Variants in NKIRAS1 observed in about 807,000 individuals in gnomAD.
NKIRAS1 encodes NF-kappa-B inhibitor-interacting Ras-like protein 1.
Under a neutral mutation model 19.8 loss-of-function variants are expected in NKIRAS1, and 16 were observed. That is an observed-to-expected ratio of 0.81 (90% CI 0.55 to 1.23). The LOEUF is 1.23. Among genes scored for constraint, NKIRAS1 ranks in the 50% most tolerant of loss-of-function variants. NKIRAS1 has a pLI of 0.00. For missense variants in NKIRAS1, 184 were observed against 220.0 expected (o/e 0.84, Z 1.04); for synonymous variants, 88 against 79.0 (o/e 1.11, Z -0.61).
chr3:23,901,874 A>G lies in NKIRAS1; in HGVS notation c.95-825T>C, dbSNP rs1354652291. On this transcript the variant is annotated intron_variant, in intron 3 of 4. Coordinates refer to ENST00000425478, the MANE Select transcript of NKIRAS1 (RefSeq NM_020345.4). ...GATCACCTGAGGTCAGGAGTTCAAG[A>G]ACAGCCTGGCCAACATGGCCAAACC... Among the ~76,000 whole-genome samples the G allele has an allele frequency of 2.6e-5, 4 of 152,318 alleles. No homozygotes were observed. The East Asian group carries it at 5.8e-4, about 22-fold the overall frequency.
At position 23,890,963 on chromosome 3, in the gene NKIRAS1, T is replaced by A; in HGVS notation, c.*2132A>T. On this transcript the variant is annotated 3_prime_UTR_variant, in exon 5 of 5. Coordinates refer to ENST00000425478, the MANE Select transcript of NKIRAS1 (RefSeq NM_020345.4). ...CATTTATGTAAAGTCCCTCTAAGAC[T>A]ACATACTTTTTGTTTAAAACAAAAT... 6.2e-6 allele frequency: 1 copy of A among 161,470 alleles called. No homozygotes were observed. 10.0% of individuals were successfully genotyped at this position (161,470 alleles called of 1,614,324 possible).
intron 1 of NKIRAS1, among the ~76,000 whole-genome samples, chr3:23,945,938 G>A (rs1705674723): frequency 6.6e-6 from 1 of 151,096 alleles, no homozygotes; most frequent in South Asian, 2.1e-4. Flanking sequence ...TACATAATGG[G>A]CGCTGAGGCG....
At chr3:23,921,570 G>GTTTTTTTTT (rs71622703), upstream of NKIRAS1, 19 of 508,926 alleles carry the variant, frequency 3.7e-5, no homozygotes, top group Non-Finnish European at 4.2e-5. Context: ...TGATTATTGA[G>GTTTTTTTTT]TTTTTTTTTT....
chr3:23,900,614 C>G (rs1702427245), intron 4 of NKIRAS1, among the ~76,000 whole-genome samples, 194 bp downstream of exon 4: 1 of 146,348 alleles, frequency 6.8e-6, no homozygotes, highest in Non-Finnish European at 1.5e-5. Context: ...TCAACTCTTG[C>G]CTGGGAGACA....
rs896241084 is a variant in NKIRAS1 at position 23,909,070 on chromosome 3, T to A, written c.94+1741A>T. Reference sequence around the variant, plus strand: ...AACAGAAGTTGTTTGGGGTCCTCAGTAAGTTTTCACAGGGCAAAAGGATTC... The same window carrying A: ...AACAGAAGTTGTTTGGGGTCCTCAGAAAGTTTTCACAGGGCAAAAGGATTC... On this transcript the variant is annotated intron_variant, in intron 3 of 4. Transcript: ENST00000425478. 3.9e-5 allele frequency among the ~76,000 whole-genome samples: 6 copies of A among 152,158 alleles called. No individual in the cohort carries two copies. In the East Asian group the frequency reaches 5.8e-4, roughly 15 times the overall value.
chr3:23,924,230 C>T (rs1310523317), intron 1 of NKIRAS1: 1 of 152,212 alleles, frequency 6.6e-6, no homozygotes, highest in Non-Finnish European at 1.5e-5. Flanking sequence ...TTAGCCCTAA[C>T]TAATTCAATA....
Position 23,927,773 on chromosome 3 carries a change from A to T in NKIRAS1, c.-139-16323T>A, listed in dbSNP as rs1366314097. ...TAGGATGTTTTGCTTATCAAAAAGA[A>T]AGATTCAAAAAATGATCATCCAAGG... On this transcript the variant is annotated intron_variant, in intron 1 of 4. Coordinates refer to the NKIRAS1 transcript ENST00000421515. This position sits in a 1 kb window ranked among gnomAD's most constrained non-coding sequence, Gnocchi z 4.0. Among the ~76,000 whole-genome samples, 1 of 152,164 alleles carries T rather than the reference A, an allele frequency of 6.6e-6. No homozygotes were observed. Among genetic ancestry groups the T allele is most frequent in the Non-Finnish European group, 1.5e-5 (1 of 68,038 alleles).
rs149536769 is a variant in NKIRAS1, at chr3:23,926,677, TAGA to T, written c.-139-15230_-139-15228del. On this transcript the variant is annotated intron_variant, in intron 1 of 4. Coordinates refer to the NKIRAS1 transcript ENST00000421515. The surrounding 1 kb of genome is among the most constrained non-coding windows in gnomAD (Gnocchi z 4.3). Reference sequence around the variant, plus strand: ...CTTTGTCAGGGCGATTTTAGGTTTTTAGAAGTTTTTGATAAGAGTTTTATCCCA... The same window carrying T: ...CTTTGTCAGGGCGATTTTAGGTTTTTAGTTTTTGATAAGAGTTTTATCCCA... Among the ~76,000 whole-genome samples, 1,220 of 152,300 alleles carry T rather than the reference TAGA, an allele frequency of 8.0e-3. 17 individuals are homozygous for T. The highest frequency in any genetic ancestry group is 0.027 in the African/African-American group (1,140 of 41,560).
chr3:23,905,689 C>T (rs1702958110), intron 3 of NKIRAS1, among the ~76,000 whole-genome samples: 1 of 151,516 alleles, frequency 6.6e-6, no homozygotes. Flanking sequence ...GCCCCAGGGT[C>T]ACGACTACGT....
intron 1 of NKIRAS1, chr3:23,946,266 C>T (rs891648029): frequency 1.0e-6 from 1 of 985,486 alleles, no homozygotes; most frequent in African/African-American, 1.7e-5. Flanking sequence ...GACCCCAAGG[C>T]GCGGACCCCG....
At chr3:23,943,784 C>T (rs534463641) in intron 1 of NKIRAS1, among the ~76,000 whole-genome samples, 13 of 152,198 alleles carry the variant, frequency 8.5e-5, no homozygotes, top group African/African-American at 2.6e-4. Flanking sequence ...AGAGGGCTAC[C>T]GTGATTAGGG....
At chr3:23,920,391 A>T, upstream of NKIRAS1, 1 of 985,378 alleles carries the variant, frequency 1.0e-6, no homozygotes, top group Non-Finnish European at 1.2e-6. Context: ...GTTTCCAACC[A>T]TATGTGTTTT....
chr3:23,917,723 A>G (rs543517797), upstream of NKIRAS1: 18 of 929,930 alleles, frequency 1.9e-5, no homozygotes, highest in East Asian at 3.0e-4. Context: ...TGTCCCCGGC[A>G]GTTGGTGCAG....
In NKIRAS1 at chr3:23,890,740, C is replaced by A; in HGVS notation, c.*2355G>T. The stretch of plus-strand genomic sequence containing the variant: ...TAACAGATATTATTCAGTCTTATTT[C>A]CTAAGATTTTGTTGTAACTTAAGGT... On this transcript the variant is annotated 3_prime_UTR_variant, in exon 5 of 5. Coordinates refer to ENST00000425478, the MANE Select transcript of NKIRAS1 (RefSeq NM_020345.4). 2 of 767,740 alleles carry A rather than the reference C, an allele frequency of 2.6e-6. No individual in the cohort carries two copies. Among genetic ancestry groups the A allele is most frequent in the Non-Finnish European group, 3.8e-6 (2 of 526,416 alleles). 47.6% of individuals were successfully genotyped at this position (767,740 alleles called of 1,614,324 possible). A position where few individuals can be genotyped will look rare whatever the true frequency, so the allele number is the denominator to read the frequency against.
At chr3:23,943,876 C>G (rs1705558930) in intron 1 of NKIRAS1, among the ~76,000 whole-genome samples, 1 of 152,180 alleles carries the variant, frequency 6.6e-6, no homozygotes, top group Non-Finnish European at 1.5e-5. Context: ...CGAAGCAGGT[C>G]AGGTTAAGTC....
rs1030655359 is a variant in NKIRAS1, at chr3:23,909,354, T to C, written c.94+1457A>G. ...CTGGCCAACGTGGTGAAACCCCGTC[T>C]CTACTAAAATAAAAATACAAAAATT... On this transcript the variant is annotated intron_variant, in intron 3 of 4. Coordinates refer to ENST00000425478, the MANE Select transcript of NKIRAS1 (RefSeq NM_020345.4). 2.6e-5 allele frequency among the ~76,000 whole-genome samples: 4 copies of C among 152,076 alleles called. No individual in the cohort carries two copies. The East Asian group carries it at 7.7e-4, about 29-fold the overall frequency.
intron 1 of NKIRAS1, chr3:23,946,059 C>G: frequency 2.1e-6 from 2 of 973,998 alleles, no homozygotes; most frequent in South Asian, 9.5e-5. Context: ...GCTGGGAGCG[C>G]CGCAGCCTCC....
intron 1 of NKIRAS1, among the ~76,000 whole-genome samples, chr3:23,944,812 T>G: frequency 7.1e-6 from 1 of 141,612 alleles, no homozygotes. Context: ...GAGACCAGCG[T>G]TTGGAGGTCG....
chr3:23,946,435 G>C, exon 1 of NKIRAS1: 2 of 360,546 alleles, frequency 5.5e-6, no homozygotes, highest in Non-Finnish European at 7.7e-6. Context: ...GAGCTCTGAG[G>C]TGCTTCGATC....
Sources: gnomAD v4.1 joint callset for allele counts (sites outside exome capture counted in the v4.1 genomes callset) on GRCh38, gnomAD v4.1.1 for gene constraint, Gnocchi (gnomAD v3.1) non-coding constraint, MANE v1.5 for transcripts, NCBI Gene and HGNC (gene_info 2026-07-23, HGNC 2026-07-21) for gene names.